LMO3: variants seen among roughly 807,000 people sequenced by gnomAD.
LMO3 encodes LIM domain only protein 3.
A neutral mutation model predicts 15.8 loss-of-function variants in LMO3; 2 were observed. The observed-to-expected ratio is 0.13, with a 90% CI of 0.05 to 0.40. The LOEUF (loss-of-function observed/expected upper bound fraction) is 0.40. Among genes scored for constraint, LMO3 ranks in the 10% least tolerant of loss-of-function variants. The pLI is 0.99. For synonymous variants in LMO3, 62 were observed against 63.8 expected (o/e 0.97, Z 0.13); for missense variants, 86 against 182.2 (o/e 0.47, Z 3.04).
At chr12:16,578,075 A>G (rs1330310211) in intron 2 of LMO3, among the ~76,000 whole-genome samples, 1 of 152,182 alleles carries the variant, frequency 6.6e-6, no homozygotes, top group African/African-American at 2.4e-5. Flanking sequence ...TAAGAAATAT[A>G]TTCTGTCCTC....
rs763567672 is a variant in LMO3, at chr12:16,560,362, CAGCACAG to C, written c.332+44_332+50del. On this transcript the variant is annotated intron_variant, in intron 3 of 3. Transcript: ENST00000537304. The surrounding 1 kb of genome is among the most constrained non-coding windows in gnomAD (Gnocchi z 5.0). ...AATTTCCACCTATTAAATAAATAGC[CAGCACAG>C]AGAGGTTAACCATTTCTTAGAGACC... 3 of 1,563,146 alleles carry C rather than the reference CAGCACAG, an allele frequency of 1.9e-6. No individual in the cohort carries two copies. Among genetic ancestry groups the C allele is most frequent in the Non-Finnish European group, 2.6e-6 (3 of 1,154,070 alleles).
Position 16,560,682 on chromosome 12 carries a change from T to C in LMO3, c.207-144A>G. 1 of 696,200 alleles carries C rather than the reference T, an allele frequency of 1.4e-6. No homozygotes were observed. The highest frequency in any genetic ancestry group is 2.4e-6 in the Non-Finnish European group (1 of 409,520). The allele number at this position is 696,200 out of a possible 1,614,324, so 43.1% of individuals were successfully genotyped here. Reference sequence around the variant, plus strand: ...ACAAGTGGATTTTATCCTAGGTGTATGCATAAATATTCTTCTGCAATATAT... The same window carrying C: ...ACAAGTGGATTTTATCCTAGGTGTACGCATAAATATTCTTCTGCAATATAT... On this transcript the variant is annotated intron_variant, in intron 2 of 3. Coordinates refer to ENST00000537304, the MANE Select transcript of LMO3 (RefSeq NM_018640.5). This position sits in a 1 kb window ranked among gnomAD's most constrained non-coding sequence, Gnocchi z 5.0.
At chr12:16,574,354 C>G (rs1447250402) in intron 2 of LMO3, among the ~76,000 whole-genome samples, 1 of 152,176 alleles carries the variant, frequency 6.6e-6, no homozygotes, top group African/African-American at 2.4e-5. Flanking sequence ...AGACACCACA[C>G]GGTGTGCAGA....
chr12:16,558,988 A>C (rs749178604), intron 3 of LMO3, among the ~76,000 whole-genome samples: 5 of 152,128 alleles, frequency 3.3e-5, no homozygotes, highest in Non-Finnish European at 5.9e-5. Flanking sequence ...ATATCAGCTA[A>C]TATATGGTGG....
At chr12:16,564,896 G>C (rs941536089) in intron 2 of LMO3, among the ~76,000 whole-genome samples, 2 of 151,890 alleles carry the variant, frequency 1.3e-5, no homozygotes, top group African/African-American at 4.8e-5. Context: ...AGTGATCTTC[G>C]TGCCTCAGCT....
In LMO3 at chr12:16,591,636, G is replaced by A. The variant is rs537331520; in HGVS notation, c.206+9019C>T. On this transcript the variant is annotated intron_variant, in intron 2 of 3. Transcript: ENST00000537304. This position sits in a 1 kb window ranked among gnomAD's most constrained non-coding sequence, Gnocchi z 4.1. ...GGGAATGGGGATGATTGTTTTGCAA[G>A]AGGTATCAATTGTACAAGGAAAGAT... Among the ~76,000 whole-genome samples, 1 of 152,142 alleles carries A rather than the reference G, an allele frequency of 6.6e-6. No individual in the cohort carries two copies. Among genetic ancestry groups the A allele is most frequent in the African/African-American group, 2.4e-5 (1 of 41,532 alleles).
chr12:16,562,766 T>C (rs1336394575), intron 2 of LMO3, among the ~76,000 whole-genome samples: 1 of 152,204 alleles, frequency 6.6e-6, no homozygotes, highest in Non-Finnish European at 1.5e-5. Context: ...TTACAAGCTC[T>C]GGGTTAATAA....
In LMO3 at chr12:16,600,477, A is replaced by C. The variant is rs1943791546; in HGVS notation, c.206+178T>G. ...CTTTAAATATTGTGGTTTGTTGGCTATTCCTTAAGCATTAATTTGAGTAAC... is the reference window on the plus strand; with the variant it reads ...CTTTAAATATTGTGGTTTGTTGGCTCTTCCTTAAGCATTAATTTGAGTAAC... On this transcript the variant is annotated intron_variant, in intron 2 of 3. Transcript: ENST00000537304. 8.3e-6 allele frequency: 5 copies of C among 602,810 alleles called. No homozygotes were observed. In the South Asian group the frequency reaches 1.0e-4, roughly 12 times the overall value. 37.3% of individuals were successfully genotyped at this position (602,810 alleles called of 1,614,324 possible).
chr12:16,557,700 C>G (rs1308936923), intron 3 of LMO3, among the ~76,000 whole-genome samples: 1 of 151,916 alleles, frequency 6.6e-6, no homozygotes, highest in Admixed American at 6.6e-5. Flanking sequence ...TTTTGAGAAC[C>G]AGTTGTGTTC....
intron 2 of LMO3, chr12:16,594,112 G>C: frequency 6.5e-7 from 1 of 1,530,866 alleles, no homozygotes; most frequent in Non-Finnish European, 8.7e-7. Flanking sequence ...TCAGGTGTTT[G>C]AATTTTACAA....
chr12:16,557,350 C>T (rs1942228807), intron 3 of LMO3, among the ~76,000 whole-genome samples: 2 of 147,472 alleles, frequency 1.4e-5, no homozygotes, highest in South Asian at 4.3e-4. Context: ...TATCTTTCAT[C>T]CCTTAAGGTG....
At chr12:16,601,317 T>C (rs553467926) in intron 1 of LMO3, among the ~76,000 whole-genome samples, 11 of 152,322 alleles carry the variant, frequency 7.2e-5, no homozygotes, top group African/African-American at 2.6e-4. Flanking sequence ...ACTTAATATG[T>C]GCTTGATGGT....
rs1943562642 is a variant in LMO3 at position 16,593,736 on chromosome 12, AT to A, written c.206+6918del. Among the ~76,000 whole-genome samples the A allele has an allele frequency of 6.6e-6, 1 of 151,750 alleles. No individual in the cohort carries two copies. Among genetic ancestry groups the A allele is most frequent in the Non-Finnish European group, 1.5e-5 (1 of 67,736 alleles). On this transcript the variant is annotated intron_variant, in intron 2 of 3. Transcript: ENST00000537304. The surrounding 1 kb of genome is among the most constrained non-coding windows in gnomAD (Gnocchi z 4.2). ...AGAAAGTTATCCATTAATACTGATA[AT>A]AAAGGGGGGAAAGGCATAAGCCAAA...
chr12:16,567,188 C>T (rs944548504), intron 2 of LMO3, among the ~76,000 whole-genome samples: 1 of 147,428 alleles, frequency 6.8e-6, no homozygotes, highest in Non-Finnish European at 1.5e-5. Flanking sequence ...AAGAGTGAAA[C>T]TCCACCTCAA....
chr12:16,601,829 A>C (rs1440508758), intron 1 of LMO3: 2 of 152,176 alleles, frequency 1.3e-5, no homozygotes, highest in Non-Finnish European at 2.9e-5. Context: ...GTTTGATTGA[A>C]ATCTTTTGAA....
chr12:16,563,743 C>T (rs1942486164), intron 2 of LMO3, among the ~76,000 whole-genome samples: 1 of 152,080 alleles, frequency 6.6e-6, no homozygotes, highest in Non-Finnish European at 1.5e-5. Context: ...TAGTCGTACA[C>T]TGAGACAGAC....
At chr12:16,592,080 C>T (rs1943510989) in intron 2 of LMO3, among the ~76,000 whole-genome samples, 1 of 151,916 alleles carries the variant, frequency 6.6e-6, no homozygotes, top group Non-Finnish European at 1.5e-5. Context: ...GCTTATTCTT[C>T]ACAAAAGAAA....
rs1941931365 is a variant in LMO3, at chr12:16,550,083, CTCT to C, written c.*1136_*1138del. 1 of 151,982 alleles carries C rather than the reference CTCT, an allele frequency of 6.6e-6. No individual in the cohort carries two copies. Among genetic ancestry groups the C allele is most frequent in the Admixed American group, 6.6e-5 (1 of 15,258 alleles). 9.4% of individuals were successfully genotyped at this position (151,982 alleles called of 1,614,324 possible). A position where few individuals can be genotyped will look rare whatever the true frequency, so the allele number is the denominator to read the frequency against. ...CAGCATTTTATCAATCCCTTTGTTT[CTCT>C]TCTTCTAGAAGATTCTATGAGCATT... On this transcript the variant is annotated 3_prime_UTR_variant, in exon 4 of 4. Transcript: ENST00000537304.
At position 16,586,647 on chromosome 12, in the gene LMO3, T is replaced by C. The variant is rs957993766; in HGVS notation, c.206+14008A>G. 6.6e-6 allele frequency among the ~76,000 whole-genome samples: 1 copy of C among 152,188 alleles called. No individual in the cohort carries two copies. The highest frequency in any genetic ancestry group is 1.5e-5 in the Non-Finnish European group (1 of 68,030). On this transcript the variant is annotated intron_variant, in intron 2 of 3. Coordinates refer to ENST00000537304, the MANE Select transcript of LMO3 (RefSeq NM_018640.5). This position sits in a 1 kb window ranked among gnomAD's most constrained non-coding sequence, Gnocchi z 4.3. ...GTCTCCCAAAGCCTGTCCTAGGATG[T>C]GGCAATAAGGCTATACCGTCGGGGT...
Sources: gnomAD v4.1 joint callset for allele counts (sites outside exome capture counted in the v4.1 genomes callset) on GRCh38, gnomAD v4.1.1 for gene constraint, Gnocchi (gnomAD v3.1) non-coding constraint, MANE v1.5 for transcripts, NCBI Gene and HGNC (gene_info 2026-07-23, HGNC 2026-07-21) for gene names.